Variants in AKAP13 observed in about 807,000 individuals in gnomAD.
The protein encoded by AKAP13 is A-kinase anchoring protein 13.
A neutral mutation model predicts 264.5 loss-of-function variants in AKAP13; 80 were observed. The ratio of observed to expected loss-of-function variants is 0.30; its 90% CI spans 0.25 to 0.36. AKAP13 has a LOEUF of 0.36. AKAP13 is among the 10% of genes least tolerant of loss of function. AKAP13 has a pLI of 1.00. For missense variants in AKAP13, 3,712 were observed against 3,435.2 expected (o/e 1.08, Z -2.01); for synonymous variants, 1,380 against 1,250.2 (o/e 1.10, Z -2.19).
chr15:85,492,606 T>C (rs1170290110), intron 2 of AKAP13, among the ~76,000 whole-genome samples: 1 of 152,232 alleles, frequency 6.6e-6, no homozygotes, highest in Non-Finnish European at 1.5e-5. Context: ...ATAACCACAG[T>C]ATAATTAACA....
intron 10 of AKAP13, among the ~76,000 whole-genome samples, chr15:85,655,147 G>A (rs1039741701): frequency 2.6e-5 from 4 of 151,848 alleles, no homozygotes; most frequent in African/African-American, 9.7e-5. Context: ...AGCTAAGATG[G>A]AGCCACTGTA....
intron 12 of AKAP13, among the ~76,000 whole-genome samples, chr15:85,663,733 C>T (rs1040661594): frequency 6.6e-6 from 1 of 152,158 alleles, no homozygotes; most frequent in African/African-American, 2.4e-5. Context: ...GTTAGCAACC[C>T]AAGGAGGTTA....
At position 85,743,728 on chromosome 15, in the gene AKAP13, G is replaced by A. The variant is rs200637962; in HGVS notation, c.8295G>A (p.Ala2765=). The A allele has an allele frequency of 4.0e-5, 65 of 1,614,040 alleles. No individual in the cohort carries two copies. The highest frequency in any genetic ancestry group is 3.9e-4 in the African/African-American group (29 of 74,972). ...CAGAAGGGCAGAGCCAGGCCCCTGCGTCCACCTCTGCCTCTACCCGCCTGT... is the reference window on the plus strand; with the variant it reads ...CAGAAGGGCAGAGCCAGGCCCCTGCATCCACCTCTGCCTCTACCCGCCTGT... ...KGPEGQSQAP[A]STSASTRLFG... The change falls in exon 36 of 37, where the codon GCG becomes GCA. Residue 2765 remains alanine (A), a synonymous_variant. Coordinates refer to ENST00000394518, the MANE Select transcript of AKAP13 (RefSeq NM_007200.5).
chr15:85,733,864 CTTTCT>C (rs1157316985), intron 30 of AKAP13, among the ~76,000 whole-genome samples: 1 of 121,248 alleles, frequency 8.2e-6, no homozygotes, highest in African/African-American at 3.1e-5. Context: ...ATTTTCTTTT[CTTTCT>C]TTTCTTTTTT....
chr15:85,499,875 T>C (rs1299246905), intron 2 of AKAP13, among the ~76,000 whole-genome samples: 1 of 152,170 alleles, frequency 6.6e-6, no homozygotes, highest in Non-Finnish European at 1.5e-5. Flanking sequence ...TTATGTTCCT[T>C]GAGGGTAGGG....
intron 2 of AKAP13, among the ~76,000 whole-genome samples, chr15:85,494,121 C>CTT (rs1210452789): frequency 6.6e-6 from 1 of 152,160 alleles, no homozygotes; most frequent in Non-Finnish European, 1.5e-5. Context: ...CTTATATGCC[C>CTT]AATTCCTCTG....
intron 11 of AKAP13, among the ~76,000 whole-genome samples, chr15:85,656,483 G>A (rs1282901343): frequency 1.3e-5 from 2 of 151,972 alleles, no homozygotes; most frequent in South Asian, 4.1e-4. Flanking sequence ...GTCTCGCTCT[G>A]TCACCCAGGC....
At chr15:85,741,729 CAAAAAAAA>C (rs112524984) in intron 35 of AKAP13, among the ~76,000 whole-genome samples, 3 of 82,272 alleles carry the variant, frequency 3.6e-5, no homozygotes, top group African/African-American at 6.9e-5. Context: ...AACAAACAAA[CAAAAAAAA>C]AAAACAGTTT....
chr15:85,577,946 A>G (rs1220510063), intron 6 of AKAP13: 1 of 490,176 alleles, frequency 2.0e-6, no homozygotes, highest in Admixed American at 6.4e-5. Flanking sequence ...TTACTTGTAT[A>G]TATGAGGCAG....
In AKAP13 at chr15:85,558,415, A is replaced by G. The variant is rs191480152; in HGVS notation, c.662+14460A>G. 2.0e-3 allele frequency among the ~76,000 whole-genome samples: 307 copies of G among 152,356 alleles called. 2 individuals are homozygous for G. Among genetic ancestry groups the G allele is most frequent in the Admixed American group, 4.4e-3 (67 of 15,304 alleles). On this transcript the variant is annotated intron_variant, in intron 5 of 36. Coordinates refer to ENST00000394518, the MANE Select transcript of AKAP13 (RefSeq NM_007200.5). ...TCAGTGGGCTATATAAAAATACGCAAGGTCATTAGAAGCTTATTGGACTTG... is the reference window on the plus strand; with the variant it reads ...TCAGTGGGCTATATAAAAATACGCAGGGTCATTAGAAGCTTATTGGACTTG...
At chr15:85,671,812 C>T (rs1437073010) in intron 14 of AKAP13, among the ~76,000 whole-genome samples, 7 of 152,094 alleles carry the variant, frequency 4.6e-5, no homozygotes, top group Non-Finnish European at 7.3e-5. Context: ...CCCCTCCTTC[C>T]GTGACCAGCA....
At chr15:85,645,216 G>T (rs386066) in intron 9 of AKAP13, among the ~76,000 whole-genome samples, 70,529 of 152,086 alleles carry the variant, frequency 0.46, 16,716 homozygotes, top group East Asian at 0.59. Context: ...AATGTACAAA[G>T]GTAGTATTTC....
At chr15:85,684,009 C>T (rs576732309) in intron 15 of AKAP13, among the ~76,000 whole-genome samples, 1 of 152,212 alleles carries the variant, frequency 6.6e-6, no homozygotes, top group East Asian at 1.9e-4. Context: ...TCCCGTGTGC[C>T]AAAGGCTAGA....
intron 1 of AKAP13, among the ~76,000 whole-genome samples, chr15:85,433,953 A>G (rs942736034): frequency 3.9e-5 from 6 of 152,020 alleles, no homozygotes; most frequent in African/African-American, 1.4e-4. Context: ...AAAATAAAAA[A>G]ATAAAAAATA....
chr15:85,707,309 G>A (rs1424036922), intron 17 of AKAP13, among the ~76,000 whole-genome samples: 6 of 152,206 alleles, frequency 3.9e-5, no homozygotes, highest in African/African-American at 1.4e-4. Context: ...GGAGTGAAAA[G>A]TAAAGGAATT....
chr15:85,601,253 C>G (rs895421877), intron 8 of AKAP13, among the ~76,000 whole-genome samples: 1 of 152,094 alleles, frequency 6.6e-6, no homozygotes, highest in Admixed American at 6.5e-5. Flanking sequence ...CCATATAGTC[C>G]CTTAGGAAGT....
intron 2 of AKAP13, among the ~76,000 whole-genome samples, chr15:85,516,994 A>T (rs1380424419): frequency 1.3e-5 from 2 of 152,220 alleles, no homozygotes; most frequent in African/African-American, 4.8e-5. Flanking sequence ...ACTTAGTTAT[A>T]AGCCTATATC....
chr15:85,676,968 C>A (rs1490502208), intron 14 of AKAP13: 1 of 985,376 alleles, frequency 1.0e-6, no homozygotes, highest in Admixed American at 6.1e-5. Flanking sequence ...TGTGAACCTC[C>A]TTCTCAGCTC....
intron 6 of AKAP13, among the ~76,000 whole-genome samples, chr15:85,575,753 G>A (rs548645951): frequency 6.6e-6 from 1 of 152,300 alleles, no homozygotes; most frequent in Non-Finnish European, 1.5e-5. Context: ...CAGCACTTTG[G>A]AAGGGCCAAC....
Sources: gnomAD v4.1 joint callset for allele counts (sites outside exome capture counted in the v4.1 genomes callset) on GRCh38, gnomAD v4.1.1 for gene constraint, MANE v1.5 for transcripts, NCBI Gene and HGNC (gene_info 2026-07-23, HGNC 2026-07-21) for gene names.